PEX14: variants seen among roughly 807,000 people sequenced by gnomAD.
The protein encoded by PEX14 is peroxisomal membrane protein PEX14.
In PEX14, 15 loss-of-function variants were observed where a neutral mutation model predicts 49.5. The ratio of observed to expected loss-of-function variants is 0.30; its 90% CI spans 0.20 to 0.47. PEX14 has a LOEUF of 0.47. Among genes scored for constraint, PEX14 ranks in the 20% least tolerant of loss-of-function variants. The probability of loss-of-function intolerance (pLI) is 1.00; values close to 1 mark genes in which losing one functional copy is unlikely to be tolerated. For missense variants in PEX14, 398 were observed against 494.8 expected, an observed-to-expected ratio of 0.80 and a Z score of 1.86; for synonymous variants, 210 against 212.7, an observed-to-expected ratio of 0.99 and a Z score of 0.11.
At chr1:10,507,358 T>C (rs1641802778) in intron 2 of PEX14, among the ~76,000 whole-genome samples, 1 of 152,246 alleles carries the variant, frequency 6.6e-6, no homozygotes, top group Non-Finnish European at 1.5e-5. Context: ...CGATGCTCAG[T>C]GCTGCCTGGT....
chr1:10,618,641 A>T (rs925242578), intron 5 of PEX14, among the ~76,000 whole-genome samples: 2 of 148,618 alleles, frequency 1.3e-5, no homozygotes, highest in African/African-American at 5.0e-5. Context: ...AGTGCTCAGC[A>T]TATACCACCC....
intron 1 of PEX14, among the ~76,000 whole-genome samples, chr1:10,486,889 A>G (rs1384480313): frequency 6.6e-6 from 1 of 152,062 alleles, no homozygotes; most frequent in East Asian, 1.9e-4. Flanking sequence ...GGGTTTCACC[A>G]TCTTGGCCAG....
At chr1:10,534,445 T>G (rs1245190931) in intron 2 of PEX14, among the ~76,000 whole-genome samples, 2 of 152,088 alleles carry the variant, frequency 1.3e-5, no homozygotes, top group Non-Finnish European at 2.9e-5. Context: ...TCCCCACCTT[T>G]CCTACCTCTA....
At chr1:10,545,236 C>T (rs1427780478) in intron 3 of PEX14, among the ~76,000 whole-genome samples, 1 of 152,072 alleles carries the variant, frequency 6.6e-6, no homozygotes, top group East Asian at 1.9e-4. Flanking sequence ...GCTATACTAC[C>T]TGTTGATGGA....
chr1:10,620,345 G>T (rs958523962), intron 5 of PEX14, among the ~76,000 whole-genome samples: 1 of 147,274 alleles, frequency 6.8e-6, no homozygotes, highest in African/African-American at 2.5e-5. Context: ...AGCTAGGCAT[G>T]GTGGTGTGAG....
At chr1:10,517,949 T>C (rs963616381) in intron 2 of PEX14, among the ~76,000 whole-genome samples, 2 of 152,188 alleles carry the variant, frequency 1.3e-5, no homozygotes, top group Admixed American at 6.5e-5. Flanking sequence ...TGGTGGACTC[T>C]AGAACCTTTG....
intron 2 of PEX14, among the ~76,000 whole-genome samples, chr1:10,523,771 G>A (rs764909590): frequency 6.7e-6 from 1 of 149,522 alleles, no homozygotes; most frequent in Non-Finnish European, 1.5e-5. Context: ...GATATTCTAG[G>A]AGAAGCTTTA....
At chr1:10,493,838 C>A (rs769426495) in intron 1 of PEX14, among the ~76,000 whole-genome samples, 80 of 152,156 alleles carry the variant, frequency 5.3e-4, no homozygotes, top group Admixed American at 3.3e-3. Flanking sequence ...TGAAGTTTGT[C>A]CCATTCATGC....
intron 3 of PEX14, among the ~76,000 whole-genome samples, chr1:10,573,022 A>G (rs142062107): frequency 6.6e-6 from 1 of 152,326 alleles, no homozygotes; most frequent in East Asian, 1.9e-4. Flanking sequence ...TTGTAACACA[A>G]TGGTACATAT....
At position 10,495,269 on chromosome 1, in the gene PEX14, T is replaced by C; in HGVS notation, c.37-5T>C. 6.2e-7 allele frequency: 1 copy of C among 1,613,964 alleles called. No homozygotes were observed. The highest frequency in any genetic ancestry group is 1.3e-5 in the African/African-American group (1 of 75,046). On this transcript the variant is annotated splice_region_variant and splice_polypyrimidine_tract_variant and intron_variant, in intron 1 of 8. Transcript: ENST00000356607. The surrounding 1 kb of genome is among the most constrained non-coding windows in gnomAD (Gnocchi z 4.2). Reference sequence around the variant, plus strand: ...TCTTATTTTTGTTTCCATTTTTCTCTGCAGCCAAGCTCTACTCCAGGAAGT... The same window carrying C: ...TCTTATTTTTGTTTCCATTTTTCTCCGCAGCCAAGCTCTACTCCAGGAAGT...
intron 3 of PEX14, among the ~76,000 whole-genome samples, chr1:10,537,712 T>A (rs907429861): frequency 6.6e-6 from 1 of 152,138 alleles, no homozygotes; most frequent in Non-Finnish European, 1.5e-5. Context: ...TTGCAGAAGG[T>A]ATTTAGAGCA....
intron 3 of PEX14, among the ~76,000 whole-genome samples, chr1:10,551,496 G>C (rs1227098367): frequency 6.6e-6 from 1 of 152,134 alleles, no homozygotes; most frequent in South Asian, 2.1e-4. Flanking sequence ...CACGGATTCG[G>C]CTTGGAGATT....
At chr1:10,577,418 A>AAAC (rs1470681515) in intron 3 of PEX14, among the ~76,000 whole-genome samples, 10 of 144,284 alleles carry the variant, frequency 6.9e-5, no homozygotes, top group Admixed American at 1.4e-4. Flanking sequence ...ACCAAAAAAA[A>AAAC]AAAACCAAAA....
intron 2 of PEX14, among the ~76,000 whole-genome samples, chr1:10,527,737 G>A (rs2039176): frequency 0.67 from 102,007 of 151,590 alleles, 36,905 homozygotes; most frequent in Non-Finnish European, 0.81. Context: ...GCAGTGGTGC[G>A]ATCTTGGTTC....
In PEX14 at chr1:10,589,561, TTTTGTTTGTTTG is replaced by T. The variant is rs59290449; in HGVS notation, c.170-9655_170-9644del. ...CACCATGCCCAGCTAATTTTTGTAG[TTTTGTTTGTTTG>T]TTTGTTTGTTTGTTTGTTTGTAGAG... On this transcript the variant is annotated intron_variant, in intron 3 of 8. Coordinates refer to ENST00000356607, the MANE Select transcript of PEX14 (RefSeq NM_004565.3). Among the ~76,000 whole-genome samples the T allele has an allele frequency of 1.9e-4, 29 of 150,138 alleles. 1 individual carries two copies. The highest frequency in any genetic ancestry group is 7.9e-4 in the East Asian group (4 of 5,056).
intron 4 of PEX14, among the ~76,000 whole-genome samples, chr1:10,601,087 C>T (rs1640971611): frequency 6.6e-6 from 1 of 152,222 alleles, no homozygotes; most frequent in Non-Finnish European, 1.5e-5. Context: ...TGTGGCAAAA[C>T]CCTGTCTCTA....
intron 3 of PEX14, among the ~76,000 whole-genome samples, chr1:10,555,761 G>T (rs1377633756): frequency 6.6e-6 from 1 of 152,082 alleles, no homozygotes; most frequent in East Asian, 1.9e-4. Flanking sequence ...CTGTCAAGAA[G>T]CACACAAGCT....
chr1:10,546,850 CAG>C (rs576769561), intron 3 of PEX14, among the ~76,000 whole-genome samples: 375 of 152,042 alleles, frequency 2.5e-3, no homozygotes, highest in Non-Finnish European at 4.2e-3. Flanking sequence ...GCCTGGGTGA[CAG>C]AGTGAGACTC....
chr1:10,522,446 T>G (rs1638330818), intron 2 of PEX14, among the ~76,000 whole-genome samples: 1 of 152,224 alleles, frequency 6.6e-6, no homozygotes, highest in African/African-American at 2.4e-5. Flanking sequence ...CCCTGCTCAT[T>G]ATGAGCATTC....
Sources: allele counts gnomAD v4.1 joint callset (sites outside exome capture counted in the v4.1 genomes callset), GRCh38; gene constraint gnomAD v4.1.1; non-coding constraint Gnocchi (gnomAD v3.1); transcripts MANE v1.5; gene names NCBI Gene and HGNC (gene_info 2026-07-23, HGNC 2026-07-21).